NPRL3: variants seen among roughly 807,000 people sequenced by gnomAD.
NPRL3 encodes NPR3 like, GATOR1 complex subunit, also known as GATOR1 complex protein NPRL3.
A neutral mutation model predicts 57.2 loss-of-function variants in NPRL3; 23 were observed. The observed-to-expected ratio is 0.40, with a 90% CI of 0.29 to 0.57. NPRL3 has a LOEUF of 0.57. NPRL3 is among the 20% of genes least tolerant of loss of function. The pLI, the probability that NPRL3 is intolerant of heterozygous loss-of-function variation, is 0.42. For synonymous variants in NPRL3, 333 were observed against 321.1 expected (o/e 1.04, Z -0.39); for missense variants, 691 against 767.1 (o/e 0.90, Z 1.17).
chr16:119,723 G>T (rs1900204592), intron 3 of NPRL3, among the ~76,000 whole-genome samples: 1 of 152,234 alleles, frequency 6.6e-6, no homozygotes, highest in Non-Finnish European at 1.5e-5. Flanking sequence ...CGCGTGGAGG[G>T]CAAGGGGACA....
At chr16:137,006 G>A (rs1054083424) in intron 2 of NPRL3, among the ~76,000 whole-genome samples, 3 of 145,608 alleles carry the variant, frequency 2.1e-5, no homozygotes, top group East Asian at 2.0e-4. Flanking sequence ...CCAGGAGTTC[G>A]AGATCAGCCT....
chr16:95,325 G>GTGTGTA (rs761991763), intron 9 of NPRL3, among the ~76,000 whole-genome samples: 4 of 102,222 alleles, frequency 3.9e-5, no homozygotes, highest in African/African-American at 1.1e-4. Flanking sequence ...GTTTGTGTGT[G>GTGTGTA]TATATATATA....
chr16:135,289 A>G (rs1013543757), intron 2 of NPRL3, among the ~76,000 whole-genome samples: 1 of 152,212 alleles, frequency 6.6e-6, no homozygotes, highest in African/African-American at 2.4e-5. Context: ...ACTCTTCACA[A>G]GAGCCCAGAA....
chr16:88,622 G>T, intron 13 of NPRL3, 76 bp downstream of exon 13: 1 of 1,307,376 alleles, frequency 7.6e-7, no homozygotes. Context: ...TGGTGGTTCT[G>T]TTGCGTACGT....
rs765141529 is a variant in NPRL3 at position 134,691 on chromosome 16, A to ATTTT, written c.118+3458_118+3459insAAAA. On this transcript the variant is annotated intron_variant, in intron 2 of 13. Transcript: ENST00000611875. ...ATAACATAAAGTCACAGTAATTATT[A>ATTTT]TTATTTTTTTTTTTTTTTTTTTTTT... 7.7e-4 allele frequency among the ~76,000 whole-genome samples: 84 copies of ATTTT among 108,470 alleles called. 1 individual carries two copies. The highest frequency in any genetic ancestry group is 2.6e-3 in the African/African-American group (83 of 31,360). The allele number at this position is 108,470 out of a possible 152,430, so 71.2% of individuals were successfully genotyped here.
In NPRL3 at chr16:117,342, C is replaced by A; in HGVS notation, c.352G>T (p.Ala118Ser). ...SKTDPSPKRE[A>S]PTMILFNVVF... is the part of the protein sequence containing the mutation. ...ACATTAAAAAGAATCATAGTAGGTG[C>A]TTCCCTCTTCGGGGAAGGATCTGTT... Residue 118 changes from alanine to serine, a missense_variant, in exon 5 of 14, where the codon GCA (alanine) becomes TCA (serine). Physicochemically the swap from Ala to Ser is moderately conservative, Grantham distance 99. Coordinates refer to ENST00000611875, the MANE Select transcript of NPRL3 (RefSeq NM_001077350.3). The A allele has an allele frequency of 6.2e-7, 1 of 1,612,020 alleles. No homozygotes were observed. Among genetic ancestry groups the A allele is most frequent in the Non-Finnish European group, 8.5e-7 (1 of 1,178,480 alleles).
intron 7 of NPRL3, among the ~76,000 whole-genome samples, chr16:108,903 C>G (rs577612483): frequency 6.6e-6 from 1 of 151,214 alleles, no homozygotes; most frequent in Non-Finnish European, 1.5e-5. Flanking sequence ...AACTCCTGAC[C>G]TCGTGCTCCA....
chr16:124,593 C>A (rs1315302212), intron 3 of NPRL3, among the ~76,000 whole-genome samples: 1 of 152,188 alleles, frequency 6.6e-6, no homozygotes, highest in Non-Finnish European at 1.5e-5. Context: ...CAAAAGCCTT[C>A]TGAAAACTAT....
chr16:124,552 C>T (rs756997413), intron 3 of NPRL3, among the ~76,000 whole-genome samples: 7 of 152,058 alleles, frequency 4.6e-5, no homozygotes, highest in Non-Finnish European at 1.0e-4. Flanking sequence ...CAAGAAATCG[C>T]CTACCGAGGA....
At chr16:110,046 C>T (rs1038689694) in intron 7 of NPRL3, among the ~76,000 whole-genome samples, 6 of 152,156 alleles carry the variant, frequency 3.9e-5, no homozygotes, top group Admixed American at 6.5e-5. Flanking sequence ...GAGGCCGAGG[C>T]GGGTGGATCA....
intron 3 of NPRL3, 116 bp downstream of exon 3, chr16:130,406 A>C (rs921464939): frequency 1.1e-6 from 1 of 936,130 alleles, no homozygotes; most frequent in Admixed American, 2.4e-5. Context: ...CTAAACGGAA[A>C]AAAACAAACA....
chr16:89,119 C>A, intron 12 of NPRL3: 1 of 571,154 alleles, frequency 1.8e-6, no homozygotes. Context: ...CCTCAAGGGA[C>A]CTGAACAGAG....
chr16:100,100 A>AG (rs1899212433), intron 8 of NPRL3, among the ~76,000 whole-genome samples: 1 of 152,068 alleles, frequency 6.6e-6, no homozygotes, highest in African/African-American at 2.4e-5. Flanking sequence ...GGCCTCCCCA[A>AG]GGACACTCAG....
At chr16:99,971 A>AG (rs1899202913) in intron 8 of NPRL3, among the ~76,000 whole-genome samples, 1 of 133,002 alleles carries the variant, frequency 7.5e-6, no homozygotes, top group Non-Finnish European at 1.5e-5. Context: ...AAAAAAAAAA[A>AG]AAAAAAGAAA....
intron 2 of NPRL3, among the ~76,000 whole-genome samples, chr16:134,706 T>A (rs796996401): frequency 0.015 from 1,992 of 136,174 alleles, 47 homozygotes; most frequent in African/African-American, 0.051. Flanking sequence ...TTTTTTTTTT[T>A]TTTTTTTTTT....
intron 3 of NPRL3, chr16:119,510 G>T (rs890634226): frequency 7.8e-6 from 4 of 515,154 alleles, no homozygotes; most frequent in African/African-American, 7.7e-5. Flanking sequence ...TTTTTGGCAT[G>T]CTCTATTAAA....
intron 3 of NPRL3, 127 bp downstream of exon 3, chr16:130,395 A>C: frequency 1.1e-6 from 1 of 926,386 alleles, no homozygotes; most frequent in Non-Finnish European, 1.6e-6. Context: ...GAGAGCACCC[A>C]CTAAACGGAA....
intron 5 of NPRL3, among the ~76,000 whole-genome samples, chr16:116,803 G>A (rs1322840957): frequency 1.4e-5 from 1 of 69,786 alleles, no homozygotes; most frequent in African/African-American, 6.4e-5. Flanking sequence ...CCCCCCCACC[G>A]ATCTCTACTA....
intron 3 of NPRL3, among the ~76,000 whole-genome samples, chr16:120,560 C>G (rs187261633): frequency 6.6e-6 from 1 of 152,190 alleles, no homozygotes; most frequent in Non-Finnish European, 1.5e-5. Flanking sequence ...TGAACTGGCA[C>G]GACCCTCTAA....
Sources: gnomAD v4.1 joint callset for allele counts (sites outside exome capture counted in the v4.1 genomes callset) on GRCh38, gnomAD v4.1.1 for gene constraint, MANE v1.5 for transcripts, NCBI Gene and HGNC (gene_info 2026-07-23, HGNC 2026-07-21) for gene names.